CCDC102B: variants seen among roughly 807,000 people sequenced by gnomAD.
The protein encoded by CCDC102B is coiled-coil domain containing 102B.
CCDC102B carries 75 observed loss-of-function variants against 57.4 expected under a neutral mutation model. The observed-to-expected ratio is 1.31, with a 90% confidence interval of 1.08 to 1.58. The LOEUF is 1.58. Among genes scored for constraint, CCDC102B ranks in the 40% most tolerant of loss-of-function variants. CCDC102B has a pLI of 0.00. For synonymous variants in CCDC102B, 206 were observed against 201.9 expected (o/e 1.02, Z -0.17); for missense variants, 636 against 582.6 (o/e 1.09, Z -0.94).
chr18:68,942,590 G>T (rs2049409041), intron 6 of CCDC102B, among the ~76,000 whole-genome samples: 1 of 151,976 alleles, frequency 6.6e-6, no homozygotes, highest in African/African-American at 2.4e-5. Flanking sequence ...CTTTTGAGGT[G>T]CATATACATA....
At chr18:68,844,261 ACT>A (rs1019121051) in intron 3 of CCDC102B, among the ~76,000 whole-genome samples, 67 of 151,956 alleles carry the variant, frequency 4.4e-4, no homozygotes, top group African/African-American at 1.5e-3. Context: ...TATGATTTTA[ACT>A]CTAGGTATTT....
chr18:68,749,210 G>A (rs1384350459), intron 2 of CCDC102B, among the ~76,000 whole-genome samples: 1 of 152,158 alleles, frequency 6.6e-6, no homozygotes, highest in Admixed American at 6.6e-5. Context: ...CAGGTAGTGT[G>A]ATGCCTCCAG....
intron 6 of CCDC102B, chr18:68,899,906 A>G (rs1018135447): frequency 6.6e-6 from 1 of 152,168 alleles, no homozygotes; most frequent in Admixed American, 6.5e-5. Flanking sequence ...AAGTAATCTC[A>G]TCACATAAAT....
intron 2 of CCDC102B, among the ~76,000 whole-genome samples, chr18:68,769,193 C>T (rs911105810): frequency 3.3e-5 from 5 of 149,440 alleles, no homozygotes; most frequent in African/African-American, 9.9e-5. Flanking sequence ...GCGGAGGCTG[C>T]GGTGAGCCGA....
intron 6 of CCDC102B, among the ~76,000 whole-genome samples, chr18:68,940,407 C>A (rs1419614035): frequency 6.6e-6 from 1 of 151,764 alleles, no homozygotes; most frequent in Admixed American, 6.6e-5. Flanking sequence ...ACAGATAACT[C>A]CATCTTTATG....
chr18:68,816,369 T>C (rs1423280743), intron 1 of CCDC102B, among the ~76,000 whole-genome samples: 1 of 152,112 alleles, frequency 6.6e-6, no homozygotes, highest in African/African-American at 2.4e-5. Flanking sequence ...TTAAACTGAG[T>C]CTGGGAAAAG....
chr18:68,860,478 A>AAAAAAAAAAAAAAC (rs2038697531), intron 4 of CCDC102B, among the ~76,000 whole-genome samples: 1 of 97,746 alleles, frequency 1.0e-5, no homozygotes, highest in Non-Finnish European at 2.2e-5. Context: ...ACAAAAACAA[A>AAAAAAAAAAAAAAC]AAAAAAAAAA....
intron 7 of CCDC102B, among the ~76,000 whole-genome samples, chr18:69,026,416 G>A (rs567806832): frequency 1.3e-5 from 2 of 149,076 alleles, no homozygotes; most frequent in Non-Finnish European, 3.0e-5. Flanking sequence ...GCGGTGAGCC[G>A]GGATGACACC....
At chr18:68,726,919 A>G (rs1003087753) in intron 2 of CCDC102B, among the ~76,000 whole-genome samples, 1 of 152,206 alleles carries the variant, frequency 6.6e-6, no homozygotes, top group Non-Finnish European at 1.5e-5. Context: ...AAATTTGGGA[A>G]GAGTCCATGG....
chr18:68,720,186 A>G (rs778188668), intron 2 of CCDC102B, among the ~76,000 whole-genome samples: 4 of 152,220 alleles, frequency 2.6e-5, no homozygotes, highest in Non-Finnish European at 4.4e-5. Context: ...TGTGCTGTAA[A>G]GGTTAATATC....
At chr18:68,926,114 G>C (rs1228122693) in intron 6 of CCDC102B, among the ~76,000 whole-genome samples, 1 of 151,858 alleles carries the variant, frequency 6.6e-6, no homozygotes, top group Non-Finnish European at 1.5e-5. Flanking sequence ...ACATGCAGTA[G>C]GAAAGTTAAT....
chr18:68,976,827 T>A (rs2145277972), intron 6 of CCDC102B, among the ~76,000 whole-genome samples: 1 of 152,106 alleles, frequency 6.6e-6, no homozygotes, highest in Non-Finnish European at 1.5e-5. Flanking sequence ...ACACTTATAT[T>A]GGCAGGAGAC....
At chr18:69,042,018 G>A (rs919603727) in intron 7 of CCDC102B, among the ~76,000 whole-genome samples, 21 of 152,068 alleles carry the variant, frequency 1.4e-4, no homozygotes, top group African/African-American at 4.8e-4. Flanking sequence ...GGCAGCAAGG[G>A]TGTCCTCTGA....
chr18:68,724,406 G>T (rs573795448), intron 2 of CCDC102B, among the ~76,000 whole-genome samples: 2 of 152,120 alleles, frequency 1.3e-5, no homozygotes, highest in African/African-American at 4.8e-5. Flanking sequence ...CTATCCTATC[G>T]TCAGGCTGCA....
intron 6 of CCDC102B, among the ~76,000 whole-genome samples, chr18:68,977,356 G>A (rs944615108): frequency 3.3e-5 from 5 of 151,900 alleles, no homozygotes; most frequent in African/African-American, 1.2e-4. Flanking sequence ...ATGGTGGTTT[G>A]CTGCACCCAT....
Position 68,897,326 on chromosome 18 carries a change from G to A in CCDC102B, c.1161G>A (p.Val387=), listed in dbSNP as rs1224692393. 6.2e-7 allele frequency: 1 copy of A among 1,613,104 alleles called. No individual in the cohort carries two copies. The highest frequency in any genetic ancestry group is 8.5e-7 in the Non-Finnish European group (1 of 1,179,284). The change falls in exon 6 of 8, where the codon GTG becomes GTA. Residue 387 remains valine (V), a synonymous_variant. Coordinates refer to ENST00000360242, the MANE Select transcript of CCDC102B (RefSeq NM_024781.3). ...AAAATAGAAGGCTGAAGATCCAGGT[G>A]AAAGAAATGGAAGAGCTTTTGGATA... ...ERENRRLKIQ[V]KEMEELLDKK... is the part of the protein sequence containing the mutation.
chr18:68,900,492 A>G (rs2040410078), intron 6 of CCDC102B, among the ~76,000 whole-genome samples: 1 of 152,168 alleles, frequency 6.6e-6, no homozygotes, highest in East Asian at 1.9e-4. Flanking sequence ...ATACACTCAG[A>G]AAATGTGAAT....
intron 6 of CCDC102B, among the ~76,000 whole-genome samples, chr18:68,943,862 G>C (rs909996699): frequency 6.6e-6 from 1 of 152,240 alleles, no homozygotes; most frequent in East Asian, 1.9e-4. Context: ...TTCTACAGAC[G>C]TAAAAACCTG....
chr18:68,879,360 T>C (rs1011431652), intron 5 of CCDC102B, among the ~76,000 whole-genome samples: 1 of 152,084 alleles, frequency 6.6e-6, no homozygotes, highest in Non-Finnish European at 1.5e-5. Flanking sequence ...GCTTCCACAG[T>C]GTGGAAGGGG....
Sources: allele counts gnomAD v4.1 joint callset (sites outside exome capture counted in the v4.1 genomes callset), GRCh38; gene constraint gnomAD v4.1.1; transcripts MANE v1.5; gene names NCBI Gene and HGNC (gene_info 2026-07-23, HGNC 2026-07-21).